The following FDX1 variants were observed in gnomAD, a reference collection of about 807,000 sequenced individuals.
FDX1 encodes the protein ferredoxin 1, also known as adrenodoxin, mitochondrial.
In FDX1, 9 loss-of-function variants were observed where a neutral mutation model predicts 14.9. That is an observed-to-expected ratio of 0.60 (90% confidence interval 0.36 to 1.05). The LOEUF is 1.05. Ranked by LOEUF, FDX1 falls within the 50% of genes least tolerant of loss-of-function variation. FDX1 has a pLI of 0.01. For missense variants in FDX1, 204 were observed against 237.2 expected, an observed-to-expected ratio of 0.86 and a Z score of 0.92; for synonymous variants, 92 against 99.4, an observed-to-expected ratio of 0.93 and a Z score of 0.44.
chr11:110,437,820 A>G (rs1204185363), intron 2 of FDX1, among the ~76,000 whole-genome samples: 3 of 152,174 alleles, frequency 2.0e-5, no homozygotes, highest in Non-Finnish European at 4.4e-5. Flanking sequence ...AGTGCCCAGT[A>G]TCTACTGTTC....
In FDX1 at chr11:110,433,294, A is replaced by G. The variant is rs1946343043; in HGVS notation, c.186-2540A>G. 2.0e-5 allele frequency among the ~76,000 whole-genome samples: 3 copies of G among 152,194 alleles called. No individual in the cohort carries two copies. The South Asian group carries it at 6.2e-4, about 31-fold the overall frequency. Reference sequence around the variant, plus strand: ...CCATATTGCCATCTGGTGTTTGGACATTCTCATCTGGCTTTTTCATTATTA... The same window carrying G: ...CCATATTGCCATCTGGTGTTTGGACGTTCTCATCTGGCTTTTTCATTATTA... On this transcript the variant is annotated intron_variant, in intron 1 of 3. Coordinates refer to ENST00000260270, the MANE Select transcript of FDX1 (RefSeq NM_004109.5).
chr11:110,435,032 G>A (rs972505415), intron 1 of FDX1, among the ~76,000 whole-genome samples: 1 of 152,086 alleles, frequency 6.6e-6, no homozygotes, highest in East Asian at 1.9e-4. Context: ...AGGAGTACAG[G>A]TATGAGCCAC....
At chr11:110,456,793 G>A in intron 2 of FDX1, 125 bp from the exon 3 acceptor site, 1 of 997,888 alleles carries the variant, frequency 1.0e-6, no homozygotes, top group Non-Finnish European at 1.4e-6. Context: ...ACAGGTGTGA[G>A]CCACTGTGCC....
chr11:110,457,092 A>T, intron 3 of FDX1, 45 bp downstream of exon 3: 1 of 1,570,570 alleles, frequency 6.4e-7, no homozygotes, highest in Non-Finnish European at 8.7e-7. Context: ...ATCTGGGAAC[A>T]TAGATGTTGT....
rs992534523 is a variant in FDX1, at chr11:110,429,987, C to T, written c.-134C>T. ...CGCGGTGCTTCCAGCAGGGTCTCTC[C>T]GCCACTCCAGCCCCGCGCCCCTCGC... On this transcript the variant is annotated 5_prime_UTR_variant, in exon 1 of 4. Transcript: ENST00000260270. 5.6e-6 allele frequency: 3 copies of T among 531,164 alleles called. No individual in the cohort carries two copies. The highest frequency in any genetic ancestry group is 1.9e-4 in the South Asian group (2 of 10,268). The allele number at this position is 531,164 out of a possible 1,614,324, so 32.9% of individuals were successfully genotyped here.
At position 110,463,323 on chromosome 11, in the gene FDX1, C is replaced by A. The variant is rs1946567282; in HGVS notation, c.*855C>A. 3 of 152,232 alleles carry A rather than the reference C, an allele frequency of 2.0e-5. No individual in the cohort carries two copies. The highest frequency in any genetic ancestry group is 2.0e-4 in the Admixed American group (3 of 15,284). 9.4% of individuals were successfully genotyped at this position (152,232 alleles called of 1,614,324 possible). ...TGAGCAGGCTGACACGTTGCACAGC[C>A]CCAGGTGGCGCCATTCTCTCACGCA... On this transcript the variant is annotated 3_prime_UTR_variant, in exon 4 of 4. Transcript: ENST00000260270.
Position 110,434,531 on chromosome 11 carries a change from C to G in FDX1, c.186-1303C>G, listed in dbSNP as rs528102081. Among the ~76,000 whole-genome samples the G allele has an allele frequency of 2.6e-5, 4 of 151,868 alleles. No homozygotes were observed. In the East Asian group the frequency reaches 7.8e-4, roughly 29 times the overall value. On this transcript the variant is annotated intron_variant, in intron 1 of 3. Transcript: ENST00000260270. ...TATTTTTAGTAGAGACGGGGTTTCG[C>G]CATGTTGGCCAGGCTGGTCTTGAAC... is the stretch of plus-strand genomic sequence containing the variant.
Position 110,444,663 on chromosome 11 carries a change from TACGTATATATATATATATATAC to T in FDX1, c.310+8725_310+8746del, listed in dbSNP as rs1565381768. ...GTGTGTGTGTGTGTATATATATATATACGTATATATATATATATATACACGTATATATATATATATACGTATA... is the reference window on the plus strand; with the variant it reads ...GTGTGTGTGTGTGTATATATATATATACGTATATATATATATATACGTATA... On this transcript the variant is annotated intron_variant, in intron 2 of 3. Coordinates refer to ENST00000260270, the MANE Select transcript of FDX1 (RefSeq NM_004109.5). Among the ~76,000 whole-genome samples the T allele has an allele frequency of 3.6e-4, 25 of 68,692 alleles. 3 individuals carry two copies. Among genetic ancestry groups the T allele is most frequent in the Non-Finnish European group, 5.5e-4 (22 of 40,094 alleles). The allele number at this position is 68,692 out of a possible 152,430, so 45.1% of individuals were successfully genotyped here. A position where few individuals can be genotyped will look rare whatever the true frequency, so the allele number is the denominator to read the frequency against.
At chr11:110,462,323 C>A in intron 3 of FDX1, 31 bp from the exon 4 acceptor site, 1 of 1,305,158 alleles carries the variant, frequency 7.7e-7, no homozygotes, top group Non-Finnish European at 1.1e-6. Context: ...ATACGTAATA[C>A]TAAACCATAC....
At chr11:110,436,617 A>T (rs1051640184) in intron 2 of FDX1, among the ~76,000 whole-genome samples, 3 of 110,814 alleles carry the variant, frequency 2.7e-5, no homozygotes, top group Non-Finnish European at 5.2e-5. Flanking sequence ...ACTGAGTCAC[A>T]AAGTCTGGGG....
Position 110,462,828 on chromosome 11 carries a change from A to T in FDX1, c.*360A>T. The stretch of plus-strand genomic sequence containing the variant: ...TTATTATTCCTGTTTGATGTGGGTG[A>T]AGGCAGAGATCTAACCTGGCTTGTT... On this transcript the variant is annotated 3_prime_UTR_variant, in exon 4 of 4. Transcript: ENST00000260270. 5.6e-6 allele frequency: 1 copy of T among 178,082 alleles called. No individual in the cohort carries two copies. Among genetic ancestry groups the T allele is most frequent in the South Asian group, 1.3e-4 (1 of 7,928 alleles). The allele number at this position is 178,082 out of a possible 1,614,324, so 11.0% of individuals were successfully genotyped here.
At position 110,451,324 on chromosome 11, in the gene FDX1, C is replaced by T. The variant is rs531682335; in HGVS notation, c.311-5594C>T. ...ATAGCTTGTTTTTTGGGATAAAATG[C>T]ATTGCACCTTCTAACTCTTGTAATT... On this transcript the variant is annotated intron_variant, in intron 2 of 3. Transcript: ENST00000260270. 2.0e-5 allele frequency among the ~76,000 whole-genome samples: 3 copies of T among 152,274 alleles called. No individual in the cohort carries two copies. The South Asian group carries it at 6.2e-4, about 32-fold the overall frequency.
intron 1 of FDX1, among the ~76,000 whole-genome samples, chr11:110,433,771 A>T (rs1178498522): frequency 6.6e-5 from 10 of 152,176 alleles, no homozygotes; most frequent in Admixed American, 6.5e-4. Flanking sequence ...AGTTTTAATG[A>T]ATAGAATCCT....
intron 3 of FDX1, among the ~76,000 whole-genome samples, chr11:110,461,831 GCTT>G (rs1221868289): frequency 1.3e-5 from 2 of 152,152 alleles, no homozygotes; most frequent in East Asian, 3.8e-4. Context: ...ATTTTAAGAT[GCTT>G]CTTGATTTCC....
intron 1 of FDX1, among the ~76,000 whole-genome samples, chr11:110,433,581 C>T (rs952829543): frequency 1.3e-5 from 2 of 152,082 alleles, no homozygotes; most frequent in African/African-American, 4.8e-5. Flanking sequence ...CTCCCTGCCT[C>T]TAGGGTATTT....
intron 2 of FDX1, among the ~76,000 whole-genome samples, chr11:110,445,700 G>A (rs181613989): frequency 6.6e-6 from 1 of 152,196 alleles, no homozygotes; most frequent in South Asian, 2.1e-4. Context: ...CCCTTTTTCA[G>A]CTTTGTGACC....
At chr11:110,459,047 A>T (rs1423866422) in intron 3 of FDX1, among the ~76,000 whole-genome samples, 1 of 152,160 alleles carries the variant, frequency 6.6e-6, no homozygotes, top group Non-Finnish European at 1.5e-5. Context: ...TTACCATTGT[A>T]TCTCTAATGC....
Position 110,462,462 on chromosome 11 carries a change from C to T in FDX1, c.549C>T (p.Thr183=), listed in dbSNP as rs778265089. Residue 183 remains threonine (T), a synonymous_variant, in exon 4 of 4, where the codon ACC becomes ACT. Coordinates refer to ENST00000260270, the MANE Select transcript of FDX1 (RefSeq NM_004109.5). ...DARQSIDVGK[T]S ...GACAATCCATTGATGTGGGCAAGAC[C>T]TCCTGAACTAGAACAAATAGGAATA... The T allele has an allele frequency of 5.1e-6, 7 of 1,380,428 alleles. No individual in the cohort carries two copies. The highest frequency in any genetic ancestry group is 2.3e-5 in the East Asian group (1 of 43,782). 85.5% of individuals were successfully genotyped at this position (1,380,428 alleles called of 1,614,324 possible). A position where few individuals can be genotyped will look rare whatever the true frequency, so the allele number is the denominator to read the frequency against.
At chr11:110,443,619 T>A (rs184048591) in intron 2 of FDX1, among the ~76,000 whole-genome samples, 4 of 152,164 alleles carry the variant, frequency 2.6e-5, no homozygotes, top group Admixed American at 2.6e-4. Flanking sequence ...TTTTAAAATA[T>A]TTTTAGCAGA....
Sources: gnomAD v4.1 joint callset for allele counts (sites outside exome capture counted in the v4.1 genomes callset) on GRCh38, gnomAD v4.1.1 for gene constraint, MANE v1.5 for transcripts, NCBI Gene and HGNC (gene_info 2026-07-23, HGNC 2026-07-21) for gene names.